The following KLC1 variants were observed in gnomAD, a reference collection of about 807,000 sequenced individuals.
KLC1 encodes the protein kinesin light chain 1.
KLC1 carries 30 observed loss-of-function variants against 84.2 expected under a neutral mutation model. The observed-to-expected ratio is 0.36, with a 90% confidence interval of 0.27 to 0.48. The LOEUF (loss-of-function observed/expected upper bound fraction) is 0.48. KLC1 is among the 20% of genes least tolerant of loss of function. The probability of loss-of-function intolerance (pLI) is 0.99; values close to 1 mark genes in which losing one functional copy is unlikely to be tolerated. For synonymous variants in KLC1, 289 were observed against 293.3 expected, an observed-to-expected ratio of 0.99 and a Z score of 0.15; for missense variants, 499 against 805.4, an observed-to-expected ratio of 0.62 and a Z score of 4.60.
chr14:103,660,343 T>C (rs2079168274), intron 3 of KLC1, among the ~76,000 whole-genome samples: 1 of 151,756 alleles, frequency 6.6e-6, no homozygotes, highest in Non-Finnish European at 1.5e-5. Context: ...TAGCCAAGCA[T>C]GGTGGCACAT....
At chr14:103,674,658 TCCTG>T (rs1406860168) in intron 9 of KLC1, among the ~76,000 whole-genome samples, 1 of 152,096 alleles carries the variant, frequency 6.6e-6, no homozygotes, top group Non-Finnish European at 1.5e-5. Context: ...CAGGTGATCC[TCCTG>T]CCTAAGTCCC....
chr14:103,654,548 T>C lies in KLC1; in HGVS notation c.-1-16T>C, dbSNP rs749439602. The C allele has an allele frequency of 7.0e-6, 11 of 1,567,228 alleles. No individual in the cohort carries two copies. The highest frequency in any genetic ancestry group is 1.4e-5 in the African/African-American group (1 of 72,788). On this transcript the variant is annotated splice_polypyrimidine_tract_variant and intron_variant, in intron 1 of 16. Coordinates refer to ENST00000334553, the MANE Select transcript of KLC1 (RefSeq NM_001394837.1). ...TGTAATGAGGGATCTAATTTCTTTT[T>C]CTTTTTTCATTCCAGAATGTATGAC...
chr14:103,637,946 C>T (rs945413783), intron 1 of KLC1, among the ~76,000 whole-genome samples: 2 of 152,148 alleles, frequency 1.3e-5, no homozygotes, highest in African/African-American at 4.8e-5. Context: ...TCTCCTTGGC[C>T]TCCCAAAGTG....
At chr14:103,671,363 C>A (rs540825892) in intron 7 of KLC1, among the ~76,000 whole-genome samples, 1 of 152,046 alleles carries the variant, frequency 6.6e-6, no homozygotes, top group South Asian at 2.1e-4. Context: ...CGATGAGTGA[C>A]CACAAATTGT....
intron 1 of KLC1, among the ~76,000 whole-genome samples, chr14:103,652,678 G>T (rs927232686): frequency 2.0e-5 from 3 of 152,114 alleles, no homozygotes; most frequent in Non-Finnish European, 4.4e-5. Context: ...TTTTAGTAGA[G>T]ACGGGGGTTT....
intron 11 of KLC1, among the ~76,000 whole-genome samples, chr14:103,676,449 A>G (rs1004320276): frequency 7.9e-5 from 12 of 152,114 alleles, no homozygotes; most frequent in Non-Finnish European, 1.5e-4. Context: ...TATTTTTAGT[A>G]GAGACAGAGT....
intron 1 of KLC1, among the ~76,000 whole-genome samples, chr14:103,647,235 T>G (rs976600791): frequency 6.6e-6 from 1 of 151,924 alleles, no homozygotes; most frequent in African/African-American, 2.4e-5. Flanking sequence ...TTTATTTTTA[T>G]TTTTTTGAGA....
In KLC1 at chr14:103,675,875, T is replaced by A. The variant is rs376473159; in HGVS notation, c.1379+119T>A. The A allele has an allele frequency of 3.9e-5, 30 of 764,070 alleles. No homozygotes were observed. The East Asian group carries it at 7.3e-4, about 19-fold the overall frequency. The allele number at this position is 764,070 out of a possible 1,614,324, so 47.3% of individuals were successfully genotyped here. A position where few individuals can be genotyped will look rare whatever the true frequency, so the allele number is the denominator to read the frequency against. On this transcript the variant is annotated intron_variant, in intron 11 of 16. Coordinates refer to ENST00000334553, the MANE Select transcript of KLC1 (RefSeq NM_001394837.1). ...TGTTCCTTAAGTGCACAGTCCCATG[T>A]TTTTCCCGAATTCCAATTAAAAAAA...
In KLC1 at chr14:103,644,548, G is replaced by A. The variant is rs114323766; in HGVS notation, c.-1-10016G>A. On this transcript the variant is annotated intron_variant, in intron 1 of 16. Transcript: ENST00000334553. ...TGCTTGGACTAAGGCGTGAGCCACCGCGCCCGGCCTGCATGACCTGTTTTT... is the reference window on the plus strand; with the variant it reads ...TGCTTGGACTAAGGCGTGAGCCACCACGCCCGGCCTGCATGACCTGTTTTT... Among the ~76,000 whole-genome samples the A allele has an allele frequency of 5.2e-3, 788 of 152,176 alleles. 5 individuals are homozygous for A. The highest frequency in any genetic ancestry group is 0.018 in the African/African-American group (746 of 41,544).
intron 3 of KLC1, among the ~76,000 whole-genome samples, chr14:103,659,212 G>A (rs908105958): frequency 1.3e-5 from 2 of 151,968 alleles, no homozygotes; most frequent in South Asian, 2.1e-4. Context: ...TCATCCCCCC[G>A]CCTCGGCCTC....
intron 15 of KLC1, chr14:103,697,132 A>G: frequency 4.1e-6 from 4 of 985,148 alleles, no homozygotes; most frequent in Non-Finnish European, 3.6e-6. Flanking sequence ...ACAGAAATAA[A>G]ATGTCTTACT....
chr14:103,632,349 C>T (rs939684823), intron 1 of KLC1, among the ~76,000 whole-genome samples: 1 of 151,532 alleles, frequency 6.6e-6, no homozygotes, highest in Admixed American at 6.6e-5. Flanking sequence ...TCGCTTGAAC[C>T]GGGAAGTGGA....
intron 1 of KLC1, among the ~76,000 whole-genome samples, chr14:103,632,782 G>GAGCTCTAGGAGCTCACA (rs1416737338): frequency 6.6e-6 from 1 of 152,092 alleles, no homozygotes; most frequent in East Asian, 1.9e-4. Flanking sequence ...AGGCTGGCAT[G>GAGCTCTAGGAGCTCACA]GGCAGGTACC....
chr14:103,670,380 G>A (rs1420972191), intron 7 of KLC1, 97 bp downstream of exon 7: 11 of 749,630 alleles, frequency 1.5e-5, no homozygotes, highest in Admixed American at 5.5e-5. Flanking sequence ...TTCTGTCACC[G>A]GGCTGGAGTG....
At chr14:103,696,038 CCA>C (rs2082451440) in intron 15 of KLC1, 3 of 985,108 alleles carry the variant, frequency 3.0e-6, no homozygotes, top group Admixed American at 6.2e-5. Flanking sequence ...GAGAGGAACC[CCA>C]CGCGAGAGTC....
chr14:103,650,225 C>G (rs2078315435), intron 1 of KLC1, among the ~76,000 whole-genome samples: 1 of 18,670 alleles, frequency 5.4e-5, no homozygotes, highest in Non-Finnish European at 3.1e-4. Flanking sequence ...ATTTCTGAGC[C>G]TGTACTATTG....
At chr14:103,691,918 A>G (rs10142384) in intron 14 of KLC1, among the ~76,000 whole-genome samples, 1,763 of 150,082 alleles carry the variant, frequency 0.012, 32 homozygotes, top group African/African-American at 0.041. Context: ...CTACAGATGC[A>G]TGCCACCACG....
chr14:103,642,411 G>C (rs1419759514), intron 1 of KLC1, among the ~76,000 whole-genome samples: 3 of 152,124 alleles, frequency 2.0e-5, no homozygotes, highest in Non-Finnish European at 2.9e-5. Context: ...GAGACATATG[G>C]GCAAGGTATT....
intron 12 of KLC1, among the ~76,000 whole-genome samples, chr14:103,678,185 C>T (rs1209009355): frequency 6.6e-6 from 1 of 152,208 alleles, no homozygotes; most frequent in Non-Finnish European, 1.5e-5. Context: ...GTCGCTTGAA[C>T]TCAGGAGGCA....
Sources: gnomAD v4.1 joint callset for allele counts (sites outside exome capture counted in the v4.1 genomes callset) on GRCh38, gnomAD v4.1.1 for gene constraint, MANE v1.5 for transcripts, NCBI Gene and HGNC (gene_info 2026-07-23, HGNC 2026-07-21) for gene names.